The following FBN1 variants were observed in gnomAD, a reference collection of about 807,000 sequenced individuals.
FBN1 encodes fibrillin-1.
Under a neutral mutation model 365.1 loss-of-function variants are expected in FBN1, and 29 were observed. That is an observed-to-expected ratio of 0.08 (90% CI 0.06 to 0.11). The LOEUF is 0.11. Among genes scored for constraint, FBN1 ranks in the 10% least tolerant of loss-of-function variants. FBN1 has a pLI of 1.00. For synonymous variants in FBN1, 1,210 were observed against 1,270.5 expected (o/e 0.95, Z 1.01); for missense variants, 2,476 against 3,703.2 (o/e 0.67, Z 8.60).
At chr15:48,577,852 C>T (rs1489751940) in intron 6 of FBN1, among the ~76,000 whole-genome samples, 1 of 152,188 alleles carries the variant, frequency 6.6e-6, no homozygotes, top group Non-Finnish European at 1.5e-5. Flanking sequence ...TACAAGGTCT[C>T]AGGTGCCATA....
chr15:48,513,473 T>C, intron 13 of FBN1, 76 bp downstream of exon 13: 1 of 1,603,554 alleles, frequency 6.2e-7, no homozygotes, highest in South Asian at 1.1e-5. Context: ...TTATTTAAAC[T>C]CCATGGAACT....
rs374629233 is a variant in FBN1, at chr15:48,505,153, G to A, written c.1838-6C>T. 36 of 1,613,926 alleles carry A rather than the reference G, an allele frequency of 2.2e-5. No homozygotes were observed. The African/African-American group carries it at 3.3e-4, about 15-fold the overall frequency. On this transcript the variant is annotated splice_polypyrimidine_tract_variant and splice_region_variant and intron_variant, in intron 15 of 65. Coordinates refer to ENST00000316623, the MANE Select transcript of FBN1 (RefSeq NM_000138.5). ...GGTTTCACACTCGTTAATGTCTGTG[G>A]CAGAGAAAGGCACTTATTAAAAATG... is the stretch of plus-strand genomic sequence containing the variant.
At chr15:48,453,304 ACACACAC>A (rs2043216082) in intron 44 of FBN1, among the ~76,000 whole-genome samples, 2 of 137,246 alleles carry the variant, frequency 1.5e-5, no homozygotes, top group African/African-American at 3.0e-5. Context: ...CAAAAAAAAA[ACACACAC>A]AAAAAAAAAG....
chr15:48,584,000 A>G (rs1191808386), intron 6 of FBN1, among the ~76,000 whole-genome samples: 1 of 152,196 alleles, frequency 6.6e-6, no homozygotes, highest in African/African-American at 2.4e-5. Context: ...AGTGGAAAAA[A>G]TGGTCAAAAT....
At chr15:48,595,270 T>C (rs2044507727) in intron 6 of FBN1, among the ~76,000 whole-genome samples, 2 of 152,256 alleles carry the variant, frequency 1.3e-5, no homozygotes, top group Non-Finnish European at 2.9e-5. Flanking sequence ...ATTACATGTT[T>C]TAAATGACAT....
intron 46 of FBN1, among the ~76,000 whole-genome samples, chr15:48,447,735 T>G (rs561051286): frequency 4.6e-5 from 7 of 152,266 alleles, no homozygotes; most frequent in Admixed American, 2.0e-4. Flanking sequence ...AGGATTCCCT[T>G]TCTTTTCACA....
chr15:48,605,148 A>G (rs2044597315), intron 4 of FBN1, among the ~76,000 whole-genome samples: 1 of 152,244 alleles, frequency 6.6e-6, no homozygotes, highest in Non-Finnish European at 1.5e-5. Context: ...GTAAATATAG[A>G]CAAGATTAAT....
In FBN1 at chr15:48,421,539, A is replaced by C; in HGVS notation, c.7699+19T>G. On this transcript the variant is annotated intron_variant, in intron 62 of 65. Transcript: ENST00000316623. ...CACAAGGATTCACCAGCTGGATCGC[A>C]GCTGAAGTCTCCACCCACCTTCACA... The C allele has an allele frequency of 6.2e-7, 1 of 1,610,496 alleles. No individual in the cohort carries two copies. The highest frequency in any genetic ancestry group is 1.1e-5 in the South Asian group (1 of 90,356).
intron 6 of FBN1, among the ~76,000 whole-genome samples, chr15:48,566,889 C>A (rs2044261761): frequency 6.6e-6 from 1 of 152,192 alleles, no homozygotes; most frequent in Admixed American, 6.5e-5. Flanking sequence ...TTAAAAATCA[C>A]ATTTACGTTG....
In FBN1 at chr15:48,415,709, C is replaced by T. The variant is rs1409493392; in HGVS notation, c.7878G>A (p.Leu2626=). The T allele has an allele frequency of 6.2e-7, 1 of 1,614,226 alleles. No individual in the cohort carries two copies. Among genetic ancestry groups the T allele is most frequent in the Non-Finnish European group, 8.5e-7 (1 of 1,180,044 alleles). ...ICGGASCHNT[L]GSYKCMCPAG... Reference sequence around the variant, plus strand: ...CGGGACACATGCACTTGTAGCTCCCCAGGGTGTTGTGACAGGAGGCTCCTC... The same window carrying T: ...CGGGACACATGCACTTGTAGCTCCCTAGGGTGTTGTGACAGGAGGCTCCTC... The change falls in exon 64 of 66, where the codon CTG becomes CTA. Residue 2626 remains leucine, a synonymous_variant. Transcript: ENST00000316623.
chr15:48,572,507 A>G (rs1052517028), intron 6 of FBN1, among the ~76,000 whole-genome samples: 1 of 151,776 alleles, frequency 6.6e-6, no homozygotes, highest in African/African-American at 2.4e-5. Context: ...AATAAGCAAC[A>G]ATTTAATTAG....
At chr15:48,487,658 C>T (rs542998219) in intron 27 of FBN1, among the ~76,000 whole-genome samples, 3 of 152,324 alleles carry the variant, frequency 2.0e-5, no homozygotes, top group Admixed American at 2.0e-4. Flanking sequence ...CACTACCCTG[C>T]TCTCCTTACT....
In FBN1 at chr15:48,410,893, A is replaced by G; in HGVS notation, c.*97T>C. The G allele has an allele frequency of 8.4e-7, 1 of 1,192,752 alleles. No individual in the cohort carries two copies. The highest frequency in any genetic ancestry group is 1.2e-6 in the Non-Finnish European group (1 of 832,678). 73.9% of individuals were successfully genotyped at this position (1,192,752 alleles called of 1,614,324 possible). A position where few individuals can be genotyped will look rare whatever the true frequency, so the allele number is the denominator to read the frequency against. Reference sequence around the variant, plus strand: ...TTTATACAAATTTACTTGGTGAAAGATTGTACCTATGATATGATGATTCTG... The same window carrying G: ...TTTATACAAATTTACTTGGTGAAAGGTTGTACCTATGATATGATGATTCTG... On this transcript the variant is annotated 3_prime_UTR_variant, in exon 66 of 66. Transcript: ENST00000316623.
chr15:48,415,412 T>A, intron 64 of FBN1, 124 bp downstream of exon 64: 1 of 788,584 alleles, frequency 1.3e-6, no homozygotes, highest in Non-Finnish European at 2.2e-6. Flanking sequence ...CTAACTGGAA[T>A]TAATTTTAGG....
In FBN1 at chr15:48,627,825, G is replaced by C. The variant is rs1019123163; in HGVS notation, c.165-14733C>G. ...GCACTGTCCTCTCAGCACCCTTCCA[G>C]CTCCAGGGAAGATGTCACAGTATTT... On this transcript the variant is annotated intron_variant, in intron 2 of 65. Transcript: ENST00000316623. 3.6e-4 allele frequency among the ~76,000 whole-genome samples: 55 copies of C among 152,236 alleles called. 1 individual carries two copies. Among genetic ancestry groups the C allele is most frequent in the South Asian group, 2.1e-4 (1 of 4,822 alleles).
chr15:48,523,469 T>C (rs2043877982), intron 9 of FBN1, among the ~76,000 whole-genome samples: 2 of 152,258 alleles, frequency 1.3e-5, no homozygotes, highest in South Asian at 4.1e-4. Flanking sequence ...TGGCAGTCCC[T>C]GATTTACAGA....
chr15:48,464,161 C>A, intron 40 of FBN1, 140 bp from the exon 41 acceptor site: 1 of 782,422 alleles, frequency 1.3e-6, no homozygotes, highest in South Asian at 1.5e-5. Context: ...GTATTTCATT[C>A]ATCCGTGTCC....
At chr15:48,434,516 A>C in intron 54 of FBN1, 78 bp downstream of exon 54, 1 of 1,567,090 alleles carries the variant, frequency 6.4e-7, no homozygotes, top group Non-Finnish European at 8.8e-7. Context: ...AGTTGTATTT[A>C]ATATTAAGAC....
At chr15:48,592,743 C>T (rs2044488163) in intron 6 of FBN1, among the ~76,000 whole-genome samples, 1 of 152,144 alleles carries the variant, frequency 6.6e-6, no homozygotes, top group Non-Finnish European at 1.5e-5. Context: ...CAGGAGGTGG[C>T]AAACTTGAAT....
Sources: allele counts gnomAD v4.1 joint callset (sites outside exome capture counted in the v4.1 genomes callset), GRCh38; gene constraint gnomAD v4.1.1; transcripts MANE v1.5; gene names NCBI Gene and HGNC (gene_info 2026-07-23, HGNC 2026-07-21).